Variants in MATCAP2 observed in about 807,000 individuals in gnomAD.
The protein encoded by MATCAP2 is microtubule associated tyrosine carboxypeptidase 2, also known as putative tyrosine carboxypeptidase MATCAP2.
chr7:36,342,679 C>T, the MATCAP2 span, among the ~76,000 whole-genome samples: 9 of 151,968 alleles, frequency 5.9e-5, no homozygotes. Context: ...GGCTGGAGTG[C>T]AGTGGTGCGA....
At chr7:36,377,769 G>T in the MATCAP2 span, among the ~76,000 whole-genome samples, 1 of 152,098 alleles carries the variant, frequency 6.6e-6, no homozygotes, top group African/African-American at 2.4e-5. Flanking sequence ...TTTCCACATA[G>T]TCCCATATTT....
the MATCAP2 span, among the ~76,000 whole-genome samples, chr7:36,380,924 T>A: frequency 1.3e-5 from 2 of 152,166 alleles, no homozygotes; most frequent in African/African-American, 4.8e-5. Context: ...AGAGATGGGG[T>A]TTCACCATGT....
chr7:36,359,123 A>T, the MATCAP2 span, among the ~76,000 whole-genome samples: 4 of 152,238 alleles, frequency 2.6e-5, no homozygotes. Flanking sequence ...CCATTCAAAT[A>T]TGAGATAACT....
At chr7:36,327,441 A>T in the MATCAP2 span, among the ~76,000 whole-genome samples, 1 of 152,104 alleles carries the variant, frequency 6.6e-6, no homozygotes, top group African/African-American at 2.4e-5. Context: ...AGCCTAAAAG[A>T]TTATTTTAAA....
the MATCAP2 span, among the ~76,000 whole-genome samples, chr7:36,366,113 T>C: frequency 2.0e-5 from 3 of 152,238 alleles, no homozygotes; most frequent in African/African-American, 2.4e-5. Flanking sequence ...TCCGGCTTTA[T>C]TTTGGCACTA....
At chr7:36,381,869 A>C in the MATCAP2 span, among the ~76,000 whole-genome samples, 1 of 152,248 alleles carries the variant, frequency 6.6e-6, no homozygotes, top group South Asian at 2.1e-4. Flanking sequence ...GATTAATGAA[A>C]GAATAAATGA....
chr7:36,376,809 C>A, the MATCAP2 span, among the ~76,000 whole-genome samples: 1 of 152,146 alleles, frequency 6.6e-6, no homozygotes. Context: ...GGATAGTTAG[C>A]TTTTCTTGTT....
the MATCAP2 span, among the ~76,000 whole-genome samples, chr7:36,327,287 C>T: frequency 1.8e-4 from 28 of 152,002 alleles, no homozygotes; most frequent in Admixed American, 1.6e-3. Context: ...TACAGGCGCC[C>T]GCCACCACAC....
At chr7:36,367,285 C>T in the MATCAP2 span, 1 of 1,032,826 alleles carries the variant, frequency 9.7e-7, no homozygotes, top group Non-Finnish European at 1.2e-6. Context: ...AGCCTGCGCG[C>T]CGCTGGGGGC....
the MATCAP2 span, among the ~76,000 whole-genome samples, chr7:36,345,624 G>A: frequency 6.6e-6 from 1 of 152,136 alleles, no homozygotes; most frequent in South Asian, 2.1e-4. Context: ...TTTTCAAACA[G>A]TGGGGCTGGG....
the MATCAP2 span, chr7:36,324,727 A>G: frequency 6.6e-6 from 1 of 152,350 alleles, no homozygotes; most frequent in South Asian, 2.1e-4. Context: ...AACTTTTAAA[A>G]TATCTTAATC....
the MATCAP2 span, among the ~76,000 whole-genome samples, chr7:36,359,529 T>C: frequency 1.3e-5 from 2 of 152,332 alleles, no homozygotes; most frequent in Non-Finnish European, 2.9e-5. Context: ...TGAATTTTGG[T>C]GTCTAAAAGA....
At chr7:36,339,248 C>T in the MATCAP2 span, among the ~76,000 whole-genome samples, 1 of 152,188 alleles carries the variant, frequency 6.6e-6, no homozygotes, top group Non-Finnish European at 1.5e-5. Context: ...CATAATTCAA[C>T]ATATATATCA....
chr7:36,366,971 CGCGGGCTCA>C, the MATCAP2 span: 1 of 1,342,638 alleles, frequency 7.4e-7, no homozygotes, highest in Non-Finnish European at 9.5e-7. Context: ...CGGCGGGCTC[CGCGGGCTCA>C]GGGGAAAGGG....
At chr7:36,387,415 A>T in the MATCAP2 span, among the ~76,000 whole-genome samples, 1 of 152,028 alleles carries the variant, frequency 6.6e-6, no homozygotes, top group Non-Finnish European at 1.5e-5. Flanking sequence ...TCATAACATA[A>T]TTTTTTTGTT....
the MATCAP2 span, among the ~76,000 whole-genome samples, chr7:36,360,681 G>C: frequency 6.6e-6 from 1 of 152,094 alleles, no homozygotes; most frequent in South Asian, 2.1e-4. Flanking sequence ...TAGAACCTAA[G>C]AGATTGTTTT....
At chr7:36,366,869 C>G in the MATCAP2 span, 1 of 1,491,256 alleles carries the variant, frequency 6.7e-7, no homozygotes, top group Non-Finnish European at 8.8e-7. Context: ...GGCGGGACCC[C>G]GGTCCGCCCC....
chr7:36,325,104 A>G, the MATCAP2 span: 1 of 152,354 alleles, frequency 6.6e-6, no homozygotes, highest in Non-Finnish European at 1.5e-5. Context: ...ACACTACACA[A>G]TGCTGAGAAA....
chr7:36,326,847 C>T, the MATCAP2 span: 15 of 1,614,076 alleles, frequency 9.3e-6, no homozygotes, highest in Non-Finnish European at 1.3e-5. Context: ...CATGGTCCTG[C>T]AGGAAATGAG....
Sources: allele counts gnomAD v4.1 joint callset (sites outside exome capture counted in the v4.1 genomes callset), GRCh38; gene constraint gnomAD v4.1.1; transcripts MANE v1.5; gene names NCBI Gene and HGNC (gene_info 2026-07-23, HGNC 2026-07-21).